Variants in SLC25A32 observed in about 807,000 individuals in gnomAD.
The protein encoded by SLC25A32 is Glycine auxotroph B, complementation of hamster.
Under a neutral mutation model 39.0 loss-of-function variants are expected in SLC25A32, and 32 were observed. The ratio of observed to expected loss-of-function variants is 0.82; its 90% CI spans 0.62 to 1.10. The LOEUF (loss-of-function observed/expected upper bound fraction) is 1.10. Among genes scored for constraint, SLC25A32 ranks in the 50% least tolerant of loss-of-function variants. The probability of loss-of-function intolerance (pLI) is 0.00; values close to 1 mark genes in which losing one functional copy is unlikely to be tolerated. For synonymous variants in SLC25A32, 166 were observed against 152.4 expected, an observed-to-expected ratio of 1.09 and a Z score of -0.66; for missense variants, 367 against 395.3, an observed-to-expected ratio of 0.93 and a Z score of 0.61.
chr8:103,401,113 C>G (rs1222917368), intron 6 of SLC25A32, among the ~76,000 whole-genome samples: 1 of 152,222 alleles, frequency 6.6e-6, no homozygotes, highest in East Asian at 1.9e-4. Flanking sequence ...GAAGAACAAA[C>G]ATCTCTTTCA....
In SLC25A32 at chr8:103,415,098, C is replaced by T. The variant is rs754722915; in HGVS notation, c.-161G>A. On this transcript the variant is annotated 5_prime_UTR_variant, in exon 1 of 7. Coordinates refer to ENST00000297578, the MANE Select transcript of SLC25A32 (RefSeq NM_030780.5). Reference sequence around the variant, plus strand: ...CAAGGCGCGTGAGCGAAGCCGGAGACTCTAGTACTGAGGGGGCAAGAACGG... The same window carrying T: ...CAAGGCGCGTGAGCGAAGCCGGAGATTCTAGTACTGAGGGGGCAAGAACGG... 4.3e-6 allele frequency: 7 copies of T among 1,611,928 alleles called. No individual in the cohort carries two copies. In the African/African-American group the frequency reaches 8.0e-5, roughly 18 times the overall value.
chr8:103,413,678 T>C (rs1267443764), intron 1 of SLC25A32, among the ~76,000 whole-genome samples: 1 of 152,218 alleles, frequency 6.6e-6, no homozygotes, highest in Non-Finnish European at 1.5e-5. Context: ...ACATTATATG[T>C]CTTTGTGGTG....
At chr8:103,407,045 C>T (rs1045552838) in intron 2 of SLC25A32, among the ~76,000 whole-genome samples, 1 of 152,110 alleles carries the variant, frequency 6.6e-6, no homozygotes, top group Non-Finnish European at 1.5e-5. Context: ...CATCACTTTC[C>T]AAAATCACTA....
At position 103,400,432 on chromosome 8, in the gene SLC25A32, G is replaced by A. The variant is rs2130434022; in HGVS notation, c.927C>T (p.Asp309=). The part of the protein sequence containing the change: ...VYENVSHFLL[D]LREKRK ...GAGCTTACTTTCTCTTTTCTCTAAGGTCAAGTAAAAAATGTGAGACGTTTT... is the reference window on the plus strand; with the variant it reads ...GAGCTTACTTTCTCTTTTCTCTAAGATCAAGTAAAAAATGTGAGACGTTTT... The change falls in exon 7 of 7, where the codon GAC becomes GAT. Residue 309 remains aspartate, a synonymous_variant. Coordinates refer to ENST00000297578, the MANE Select transcript of SLC25A32 (RefSeq NM_030780.5). 6.2e-7 allele frequency: 1 copy of A among 1,614,096 alleles called. No individual in the cohort carries two copies. The highest frequency in any genetic ancestry group is 8.5e-7 in the Non-Finnish European group (1 of 1,179,980).
At chr8:103,401,205 G>A (rs1200005961) in intron 6 of SLC25A32, among the ~76,000 whole-genome samples, 1 of 152,188 alleles carries the variant, frequency 6.6e-6, no homozygotes, top group Non-Finnish European at 1.5e-5. Context: ...CTAGTCTTAT[G>A]ACTTCTTATA....
chr8:103,401,681 C>A lies in SLC25A32; in HGVS notation c.667-20G>T. ...TGTGCTCTAAAATGGCAATACAAAA[C>A]AGTTTTTTCTTTAGACAGGATTTCT... On this transcript the variant is annotated intron_variant, in intron 5 of 6. Transcript: ENST00000297578. The A allele has an allele frequency of 1.3e-6, 2 of 1,544,532 alleles. No individual in the cohort carries two copies. The highest frequency in any genetic ancestry group is 1.3e-5 in the South Asian group (1 of 78,934).
intron 1 of SLC25A32, among the ~76,000 whole-genome samples, chr8:103,412,193 C>A (rs1296256343): frequency 3.3e-5 from 5 of 152,228 alleles, no homozygotes; most frequent in African/African-American, 1.2e-4. Flanking sequence ...GCTACTGGGT[C>A]TTGCGATACC....
intron 1 of SLC25A32, among the ~76,000 whole-genome samples, chr8:103,414,140 C>T (rs1816531104): frequency 6.6e-6 from 1 of 152,220 alleles, no homozygotes; most frequent in African/African-American, 2.4e-5. Context: ...AAACTATTTT[C>T]TGCAATTTCA....
At chr8:103,409,959 G>A (rs1226200452) in intron 1 of SLC25A32, among the ~76,000 whole-genome samples, 1 of 152,156 alleles carries the variant, frequency 6.6e-6, no homozygotes, top group Non-Finnish European at 1.5e-5. Flanking sequence ...TTAAAGGCAG[G>A]CAGCAGAATG....
Position 103,414,900 on chromosome 8 carries a change from G to A in SLC25A32, c.38C>T (p.Ala13Val), listed in dbSNP as rs1242066418. The A allele has an allele frequency of 3.7e-6, 6 of 1,611,646 alleles. No individual in the cohort carries two copies. In the Middle Eastern group the frequency reaches 5.0e-4, roughly 133 times the overall value. Residue 13 changes from alanine to valine, a missense_variant, in exon 1 of 7, where the codon GCG becomes GTG. Coordinates refer to ENST00000297578, the MANE Select transcript of SLC25A32 (RefSeq NM_030780.5). The stretch of plus-strand genomic sequence containing the variant: ...GACGTGGCGGAATACCGTGCTCCAC[G>A]CCGACGACCCGGACGCCGACTGGCC... ...GQGQSASGSSAWSTVFRHVRY... is the reference protein window; with the variant it reads ...GQGQSASGSSVWSTVFRHVRY...
chr8:103,414,832 A>C lies in SLC25A32; in HGVS notation c.106T>G (p.Ser36Ala), dbSNP rs891154692. ...LIAGVSGGVL[S>A]NLALHPLDLV... Reference sequence around the variant, plus strand: ...TCGAGCGGATGCAGCGCAAGGTTGGATAAGACGCCGCCGCTCACGCCCGCT... The same window carrying C: ...TCGAGCGGATGCAGCGCAAGGTTGGCTAAGACGCCGCCGCTCACGCCCGCT... The change falls in exon 1 of 7, where the codon TCC becomes GCC. Residue 36 changes from serine (S) to alanine (A), a missense_variant. Ser to Ala is a moderately conservative substitution (Grantham distance 99). Transcript: ENST00000297578. The C allele has an allele frequency of 1.2e-6, 2 of 1,613,828 alleles. No individual in the cohort carries two copies. The highest frequency in any genetic ancestry group is 2.2e-5 in the East Asian group (1 of 44,880).
In SLC25A32 at chr8:103,400,334, ATTC is replaced by A. The variant is rs1374520612; in HGVS notation, c.*74_*76del. 7 of 1,529,310 alleles carry A rather than the reference ATTC, an allele frequency of 4.6e-6. No homozygotes were observed. The highest frequency in any genetic ancestry group is 6.3e-6 in the Non-Finnish European group (7 of 1,115,208). 94.7% of individuals were successfully genotyped at this position (1,529,310 alleles called of 1,614,324 possible). On this transcript the variant is annotated 3_prime_UTR_variant, in exon 7 of 7. Coordinates refer to ENST00000297578, the MANE Select transcript of SLC25A32 (RefSeq NM_030780.5). Reference sequence around the variant, plus strand: ...AATATGAGCCATGTTTCTATGCAGAATTCTTCTTTTATGCCTTAAACACAAAAG... The same window carrying A: ...AATATGAGCCATGTTTCTATGCAGAATTCTTTTATGCCTTAAACACAAAAG...
At chr8:103,409,977 CT>C (rs1816425767) in intron 1 of SLC25A32, among the ~76,000 whole-genome samples, 1 of 152,158 alleles carries the variant, frequency 6.6e-6, no homozygotes, top group Non-Finnish European at 1.5e-5. Flanking sequence ...ATGACAGGCT[CT>C]TGAGAAAGGT....
intron 6 of SLC25A32, 123 bp from the exon 7 acceptor site, chr8:103,400,669 G>A: frequency 1.5e-5 from 14 of 956,626 alleles, no homozygotes; most frequent in Non-Finnish European, 2.2e-5. Context: ...TTAAGTTCAT[G>A]TTTTCAATGT....
intron 3 of SLC25A32, among the ~76,000 whole-genome samples, chr8:103,404,371 G>T (rs916867612): frequency 1.3e-5 from 2 of 152,052 alleles, no homozygotes; most frequent in African/African-American, 2.4e-5. Flanking sequence ...AGAGGCAGGT[G>T]GATCAAGAGG....
intron 1 of SLC25A32, among the ~76,000 whole-genome samples, chr8:103,411,562 T>C (rs760461605): frequency 1.5e-4 from 23 of 152,328 alleles, no homozygotes; most frequent in Admixed American, 4.6e-4. Context: ...ACACCTGATA[T>C]TGTGTAAATC....
chr8:103,410,461 G>A (rs571374691), intron 1 of SLC25A32, among the ~76,000 whole-genome samples: 8 of 152,292 alleles, frequency 5.3e-5, no homozygotes, highest in African/African-American at 1.9e-4. Context: ...GAACCCTATT[G>A]TGAACTGCAC....
rs138579180 is a variant in SLC25A32, at chr8:103,407,377, C to T, written c.305+257G>A. ...TTGCCTTTTTCCTATTAAGAATTTT[C>T]TTCCAGACCAAATAATGCCTCTGAT... On this transcript the variant is annotated intron_variant, in intron 2 of 6. Transcript: ENST00000297578. Among the ~76,000 whole-genome samples the T allele has an allele frequency of 4.9e-3, 746 of 152,266 alleles. 13 individuals carry two copies. Among genetic ancestry groups the T allele is most frequent in the African/African-American group, 0.015 (636 of 41,554 alleles).
chr8:103,406,173 T>C (rs902083580), intron 2 of SLC25A32, among the ~76,000 whole-genome samples: 10 of 151,816 alleles, frequency 6.6e-5, no homozygotes, highest in African/African-American at 2.2e-4. Context: ...TGTGTGTATA[T>C]AGTTTCACAC....
Sources: allele counts gnomAD v4.1 joint callset (sites outside exome capture counted in the v4.1 genomes callset), GRCh38; gene constraint gnomAD v4.1.1; transcripts MANE v1.5; gene names NCBI Gene and HGNC (gene_info 2026-07-23, HGNC 2026-07-21).